The following AHNAK2 variants were observed in gnomAD, a reference collection of about 807,000 sequenced individuals.
AHNAK2 encodes protein AHNAK2.
A neutral mutation model predicts 30.7 loss-of-function variants in AHNAK2; 18 were observed. The observed-to-expected ratio is 0.59, with a 90% CI of 0.41 to 0.87. AHNAK2 has a LOEUF of 0.87. AHNAK2 is among the 40% of genes least tolerant of loss of function. AHNAK2 has a pLI of 0.00. For synonymous variants in AHNAK2, 3,590 were observed against 3,073.8 expected (o/e 1.17, Z -5.56); for missense variants, 8,604 against 7,373.0 (o/e 1.17, Z -6.11).
chr14:104,957,395 G>A lies in AHNAK2; in HGVS notation c.213+15C>T. Reference sequence around the variant, plus strand: ...GAGACCTGGGTGCCTGTGGGGCTCTGCCCAGCAGGCTCACCTGGAGTCCAA... The same window carrying A: ...GAGACCTGGGTGCCTGTGGGGCTCTACCCAGCAGGCTCACCTGGAGTCCAA... On this transcript the variant is annotated intron_variant, in intron 3 of 6. Transcript: ENST00000333244. 6.4e-7 allele frequency: 1 copy of A among 1,571,936 alleles called. No homozygotes were observed. Among genetic ancestry groups the A allele is most frequent in the Non-Finnish European group, 8.7e-7 (1 of 1,153,458 alleles).
chr14:104,976,906 T>G (rs1899607520), intron 1 of AHNAK2, among the ~76,000 whole-genome samples: 2 of 152,016 alleles, frequency 1.3e-5, no homozygotes, highest in South Asian at 4.1e-4. Flanking sequence ...CCAGTCATAG[T>G]GAAAGAGGAG....
chr14:104,953,465 A>C lies in AHNAK2; in HGVS notation c.1986T>G (p.Ile662Met), dbSNP rs780340881. 1 of 1,613,616 alleles carries C rather than the reference A, an allele frequency of 6.2e-7. No individual in the cohort carries two copies. Among genetic ancestry groups the C allele is most frequent in the Non-Finnish European group, 8.5e-7 (1 of 1,179,814 alleles). The change falls in exon 7 of 7, where the codon ATT (isoleucine) becomes ATG (methionine). Residue 662 changes from isoleucine to methionine, a missense_variant. Coordinates refer to ENST00000333244, the MANE Select transcript of AHNAK2 (RefSeq NM_138420.4). ...HDEKRLKKEQ[I>M]LTEKEVATKD... ...TGGTGGCCACTTCCTTTTCTGTCAG[A>C]ATTTGTTCCTTTTTTAAGCGTTTTT...
Position 104,939,205 on chromosome 14 carries a change from G to A in AHNAK2, c.16246C>T (p.Pro5416Ser). 1.2e-6 allele frequency: 2 copies of A among 1,613,788 alleles called. No individual in the cohort carries two copies. The highest frequency in any genetic ancestry group is 2.7e-5 in the African/African-American group (2 of 75,026). Reference sequence around the variant, plus strand: ...AGGGCTGTATCAATATTGGCCTCTGGACACTGCACTTCCCTCACAGTGGGG... The same window carrying A: ...AGGGCTGTATCAATATTGGCCTCTGAACACTGCACTTCCCTCACAGTGGGG... ...FIPTVREVQC[P>S]EANIDTALCK... Residue 5416 changes from proline to serine, a missense_variant, in exon 7 of 7, where the codon CCA becomes TCA. By Grantham distance (74) the Pro-to-Ser change is moderately conservative (BLOSUM62 -1). Coordinates refer to ENST00000333244, the MANE Select transcript of AHNAK2 (RefSeq NM_138420.4).
Position 104,941,517 on chromosome 14 carries a change from ACTTT to A in AHNAK2, c.13930_13933del (p.Lys4644PhefsTer77), listed in dbSNP as rs755419848. 9.9e-6 allele frequency: 16 copies of A among 1,612,896 alleles called. No homozygotes were observed. The highest frequency in any genetic ancestry group is 4.0e-5 in the African/African-American group (3 of 74,922). ...TTCGATTTCAGAGGAAGACATGGAAACTTTCTTTGACGACCATTCAAAACCAGAC... is the reference window on the plus strand; with the variant it reads ...TTCGATTTCAGAGGAAGACATGGAAACTTTGACGACCATTCAAAACCAGAC... On this transcript the variant is annotated frameshift_variant, in exon 7 of 7. Transcript: ENST00000333244. LOFTEE classifies it low-confidence loss of function (END_TRUNC).
Position 104,953,815 on chromosome 14 carries a change from G to A in AHNAK2, c.1636C>T (p.His546Tyr), listed in dbSNP as rs776852227. Residue 546 changes from histidine to tyrosine, a missense_variant, in exon 7 of 7, where the codon CAT becomes TAT. By Grantham distance (83) the His-to-Tyr change is moderately conservative. Coordinates refer to ENST00000333244, the MANE Select transcript of AHNAK2 (RefSeq NM_138420.4). ...GWMPGREPTT[H>Y]AEAQGDEGDG... ...CCTTCATCCCCCTGTGCTTCTGCATGTGTGGTTGGTTCCCTGCCCGGCATC... is the reference window on the plus strand; with the variant it reads ...CCTTCATCCCCCTGTGCTTCTGCATATGTGGTTGGTTCCCTGCCCGGCATC... The A allele has an allele frequency of 6.2e-6, 10 of 1,613,786 alleles. 1 individual carries two copies. The highest frequency in any genetic ancestry group is 5.1e-6 in the Non-Finnish European group (6 of 1,179,890).
chr14:104,943,467 G>T lies in AHNAK2; in HGVS notation c.11984C>A (p.Ala3995Glu), dbSNP rs146136367. Residue 3995 changes from alanine to glutamate, a missense_variant, in exon 7 of 7, where the codon GCG (alanine) becomes GAG (glutamate). By Grantham distance (107) the Ala-to-Glu change is moderately radical. Coordinates refer to ENST00000333244, the MANE Select transcript of AHNAK2 (RefSeq NM_138420.4). ...KSMEASVDVT[A>E]PKVEADVSLP... ...GCTCACGTCGGCCTCCACCTTTGGC[G>T]CGGTCACATCCACTGATGCCTCCAT... is the stretch of plus-strand genomic sequence containing the variant. 1.9e-6 allele frequency: 3 copies of T among 1,612,876 alleles called. No individual in the cohort carries two copies. The highest frequency in any genetic ancestry group is 1.7e-6 in the Non-Finnish European group (2 of 1,179,512).
In AHNAK2 at chr14:104,941,425, C is replaced by G. The variant is rs759568101; in HGVS notation, c.14026G>C (p.Asp4676His). ...PIVESVVHEG[D>H]LHDPSRDGNL... ...CCATCGCGAGATGGATCATGAAGAT[C>G]ACCTTCATGAACAACAGATTCCACA... Residue 4676 changes from aspartate (D) to histidine (H), a missense_variant, in exon 7 of 7, where the codon GAT becomes CAT. By Grantham distance (81) the Asp-to-His change is moderately conservative. Transcript: ENST00000333244. 232 of 1,612,960 alleles carry G rather than the reference C, an allele frequency of 1.4e-4. 1 individual carries two copies. The highest frequency in any genetic ancestry group is 1.7e-4 in the Non-Finnish European group (204 of 1,179,678).
At position 104,954,157 on chromosome 14, in the gene AHNAK2, C is replaced by T; in HGVS notation, c.1294G>A (p.Ala432Thr). 1 of 1,610,470 alleles carries T rather than the reference C, an allele frequency of 6.2e-7. No individual in the cohort carries two copies. The highest frequency in any genetic ancestry group is 1.7e-5 in the Admixed American group (1 of 60,014). ...GCCCTGGGCTTCCTCTGGGCCACTG[C>T]TGTCTCCTGTGCCTGCCCCTCCAGG... The part of the protein sequence containing the change: ...KTLEGQAQET[A>T]VAQRKPRAQP... The change falls in exon 7 of 7, where the codon GCA (alanine) becomes ACA (threonine). Residue 432 changes from alanine to threonine, a missense_variant. By Grantham distance (58) the Ala-to-Thr change is moderately conservative (BLOSUM62 0). Coordinates refer to ENST00000333244, the MANE Select transcript of AHNAK2 (RefSeq NM_138420.4). This position sits in a 1 kb window ranked among gnomAD's most constrained non-coding sequence, Gnocchi z 4.3.
Position 104,951,675 on chromosome 14 carries a change from A to G in AHNAK2, c.3776T>C (p.Val1259Ala), listed in dbSNP as rs1898721326. 1 of 1,246,018 alleles carries G rather than the reference A, an allele frequency of 8.0e-7. No homozygotes were observed. Among genetic ancestry groups the G allele is most frequent in the Middle Eastern group, 2.6e-4 (1 of 3,836 alleles). 77.2% of individuals were successfully genotyped at this position (1,246,018 alleles called of 1,614,324 possible). ...VQMPSLKMPKVDLKGPQVEVR... is the reference protein window; with the variant it reads ...VQMPSLKMPKADLKGPQVEVR... ...TTCCACCTGGGGGCCCTTGAGGTCC[A>G]CTTTGGGCATCTTCAAACTAGGCAT... Residue 1259 changes from valine (V) to alanine (A), a missense_variant, in exon 7 of 7, where the codon GTG becomes GCG. Transcript: ENST00000333244.
chr14:104,956,658 C>A lies in AHNAK2; in HGVS notation c.245G>T (p.Gly82Val). 1 of 1,613,872 alleles carries A rather than the reference C, an allele frequency of 6.2e-7. No individual in the cohort carries two copies. Among genetic ancestry groups the A allele is most frequent in the Non-Finnish European group, 8.5e-7 (1 of 1,179,880 alleles). Residue 82 changes from glycine (G) to valine (V), a missense_variant, in exon 4 of 7, where the codon GGG becomes GTG. Physicochemically the swap from Gly to Val is moderately radical, Grantham distance 109. Coordinates refer to ENST00000333244, the MANE Select transcript of AHNAK2 (RefSeq NM_138420.4). Reference sequence around the variant, plus strand: ...TCGCTTCCACCAGGATCTCCGTCTCCCAGCAGAACCTTGCCTGCCGGGGGC... The same window carrying A: ...TCGCTTCCACCAGGATCTCCGTCTCACAGCAGAACCTTGCCTGCCGGGGGC... ...EDAPGRQGSA[G>V]RRRSWWKRDS...
rs1897855350 is a variant in AHNAK2 at position 104,937,976 on chromosome 14, G to A, written c.*87C>T. 1.4e-6 allele frequency: 2 copies of A among 1,390,384 alleles called. No individual in the cohort carries two copies. The highest frequency in any genetic ancestry group is 1.4e-5 in the South Asian group (1 of 72,332). 86.1% of individuals were successfully genotyped at this position (1,390,384 alleles called of 1,614,324 possible). A position where few individuals can be genotyped will look rare whatever the true frequency, so the allele number is the denominator to read the frequency against. ...TGAAGTGAGGTGGATGTAATGTGCT[G>A]TGGGATGGGGTGCTCCATATGTGTG... On this transcript the variant is annotated 3_prime_UTR_variant, in exon 7 of 7. Transcript: ENST00000333244.
In AHNAK2 at chr14:104,943,499, G is replaced by A. The variant is rs1314196960; in HGVS notation, c.11952C>T (p.Gly3984=). ...KMPSFGVSAP[G]KSMEASVDVT... ...CATCCACTGATGCCTCCATGGACTT[G>A]CCTGGGGCAGACACCCCGAACGACG... The change falls in exon 7 of 7, where the codon GGC becomes GGT. Residue 3984 remains glycine, a synonymous_variant. Coordinates refer to ENST00000333244, the MANE Select transcript of AHNAK2 (RefSeq NM_138420.4). 1 of 1,613,060 alleles carries A rather than the reference G, an allele frequency of 6.2e-7. No individual in the cohort carries two copies. The highest frequency in any genetic ancestry group is 1.3e-5 in the African/African-American group (1 of 74,736).
In AHNAK2 at chr14:104,939,277, G is replaced by C; in HGVS notation, c.16174C>G (p.Pro5392Ala). Residue 5392 changes from proline (P) to alanine (A), a missense_variant, in exon 7 of 7, where the codon CCA (proline) becomes GCA (alanine). Physicochemically the swap from Pro to Ala is conservative, Grantham distance 27 (BLOSUM62 -1). Coordinates refer to ENST00000333244, the MANE Select transcript of AHNAK2 (RefSeq NM_138420.4). ...LTVKFPKLMV[P>A]RFSFPAPSSE... ...CTGGGGGCAGGGAAGGAGAACCTTG[G>C]TACCATTAATTTGGGGAATTTGACA... The C allele has an allele frequency of 6.2e-7, 1 of 1,613,888 alleles. No homozygotes were observed. The highest frequency in any genetic ancestry group is 2.2e-5 in the East Asian group (1 of 44,894).
At position 104,954,897 on chromosome 14, in the gene AHNAK2, C is replaced by G; in HGVS notation, c.651+60G>C. The G allele has an allele frequency of 1.3e-6, 2 of 1,530,412 alleles. No individual in the cohort carries two copies. Among genetic ancestry groups the G allele is most frequent in the Non-Finnish European group, 1.8e-6 (2 of 1,136,490 alleles). 94.8% of individuals were successfully genotyped at this position (1,530,412 alleles called of 1,614,324 possible). A position where few individuals can be genotyped will look rare whatever the true frequency, so the allele number is the denominator to read the frequency against. Reference sequence around the variant, plus strand: ...AGTGGGAGTGCTATCCCCTCCCAGGCTCAGCCAGCAGGGTAGTGAAGCCAG... The same window carrying G: ...AGTGGGAGTGCTATCCCCTCCCAGGGTCAGCCAGCAGGGTAGTGAAGCCAG... On this transcript the variant is annotated intron_variant, in intron 6 of 6. Coordinates refer to ENST00000333244, the MANE Select transcript of AHNAK2 (RefSeq NM_138420.4). This position sits in a 1 kb window ranked among gnomAD's most constrained non-coding sequence, Gnocchi z 4.3.
Position 104,951,637 on chromosome 14 carries a change from TG to T in AHNAK2, c.3813del (p.Lys1272SerfsTer4). The part of the protein sequence containing the change: ...LKGPQVEVRG[P>X]KLDLKGHKAE... ...GCCTTATGACCTTTCAGGTCCAGCTTGGGGCCCCTGACTTCCACCTGGGGGC... is the reference window on the plus strand; with the variant it reads ...GCCTTATGACCTTTCAGGTCCAGCTTGGGCCCCTGACTTCCACCTGGGGGC... On this transcript the variant is annotated frameshift_variant, in exon 7 of 7. Coordinates refer to ENST00000333244, the MANE Select transcript of AHNAK2 (RefSeq NM_138420.4). LOFTEE classifies it low-confidence loss of function (END_TRUNC). 8.0e-7 allele frequency: 1 copy of T among 1,246,578 alleles called. No homozygotes were observed. The highest frequency in any genetic ancestry group is 1.4e-5 in the African/African-American group (1 of 70,742). The allele number at this position is 1,246,578 out of a possible 1,614,324, so 77.2% of individuals were successfully genotyped here.
Position 104,941,904 on chromosome 14 carries a change from G to A in AHNAK2, c.13547C>T (p.Pro4516Leu). The A allele has an allele frequency of 6.2e-7, 1 of 1,613,572 alleles. No individual in the cohort carries two copies. Among genetic ancestry groups the A allele is most frequent in the Non-Finnish European group, 8.5e-7 (1 of 1,179,662 alleles). The change falls in exon 7 of 7, where the codon CCT becomes CTT. Residue 4516 changes from proline to leucine, a missense_variant. By Grantham distance (98) the Pro-to-Leu change is moderately conservative. Transcript: ENST00000333244. ...AGCCTGGACCTCCAGGTCGGCGGAA[G>A]GGGCCTGAATGCGGAGGTCAGTGGT... Reference protein sequence around the residue: ...LKTTDLRIQAPSADLEVQAGQ... With the variant: ...LKTTDLRIQALSADLEVQAGQ...
In AHNAK2 at chr14:104,938,802, T is replaced by C. The variant is rs765161443; in HGVS notation, c.16649A>G (p.Glu5550Gly). The C allele has an allele frequency of 1.9e-6, 3 of 1,613,950 alleles. No individual in the cohort carries two copies. In the Admixed American group the frequency reaches 5.0e-5, roughly 27 times the overall value. ...QHSRTQEGTE[E>G]APIQATPGVD... ...TCCTGGGGTGGCTTGTATGGGAGCC[T>C]CTTCTGTGCCCTCCTGAGTCCTAGA... Residue 5550 changes from glutamate to glycine, a missense_variant, in exon 7 of 7, where the codon GAG becomes GGG. Glu to Gly is a moderately conservative substitution (Grantham distance 98). Transcript: ENST00000333244.
At position 104,946,037 on chromosome 14, in the gene AHNAK2, G is replaced by C. The variant is rs374384787; in HGVS notation, c.9414C>G (p.Ala3138=). 6.5e-4 allele frequency: 1,035 copies of C among 1,599,174 alleles called. 30 individuals are homozygous for C. The African/African-American group carries it at 0.013, about 20-fold the overall frequency. The part of the protein sequence containing the change: ...DLSLADKDVT[A]KDSKFKMPKF... ...TGGGCATTTTGAACTTGCTGTCTTT[G>C]GCAGTCACATCCTTGTCGGCCAGGG... The change falls in exon 7 of 7, where the codon GCC becomes GCG. Residue 3138 remains alanine (A), a synonymous_variant. Coordinates refer to ENST00000333244, the MANE Select transcript of AHNAK2 (RefSeq NM_138420.4).
intron 1 of AHNAK2, among the ~76,000 whole-genome samples, chr14:104,971,885 A>AG (rs1281138265): frequency 1.3e-5 from 2 of 152,228 alleles, no homozygotes; most frequent in African/African-American, 2.4e-5. Context: ...GGCCCAGCCC[A>AG]GGCCTTAGGG....
Sources: allele counts gnomAD v4.1 joint callset (sites outside exome capture counted in the v4.1 genomes callset), GRCh38; gene constraint gnomAD v4.1.1; non-coding constraint Gnocchi (gnomAD v3.1); transcripts MANE v1.5; gene names NCBI Gene and HGNC (gene_info 2026-07-23, HGNC 2026-07-21).